C9orf85: variants seen among roughly 807,000 people sequenced by gnomAD.
The protein encoded by C9orf85 is chromosome 9 open reading frame 85, also known as uncharacterized protein C9orf85.
In C9orf85, 16 loss-of-function variants were observed where a neutral mutation model predicts 14.9. That is an observed-to-expected ratio of 1.08 (90% CI 0.73 to 1.63). The LOEUF is 1.63. Among genes scored for constraint, C9orf85 ranks in the 40% most tolerant of loss-of-function variants. The probability of loss-of-function intolerance (pLI) is 0.00; values close to 1 mark genes in which losing one functional copy is unlikely to be tolerated. For missense variants in C9orf85, 172 were observed against 186.1 expected (o/e 0.92, Z 0.44); for synonymous variants, 45 against 56.8 (o/e 0.79, Z 0.93).
chr9:71,919,721 A>G (rs1329458606), intron 1 of C9orf85, among the ~76,000 whole-genome samples: 2 of 152,140 alleles, frequency 1.3e-5, no homozygotes, highest in Non-Finnish European at 2.9e-5. Flanking sequence ...TGTAATCCGT[A>G]CTATTGTTTA....
At chr9:71,951,087 A>G (rs1564093400) in intron 2 of C9orf85, among the ~76,000 whole-genome samples, 1 of 152,190 alleles carries the variant, frequency 6.6e-6, no homozygotes, top group Non-Finnish European at 1.5e-5. Context: ...AGCTGACAGA[A>G]TATTGCATGT....
At chr9:71,931,501 A>C (rs904136056) in intron 1 of C9orf85, among the ~76,000 whole-genome samples, 2 of 152,216 alleles carry the variant, frequency 1.3e-5, no homozygotes, top group South Asian at 4.1e-4. Context: ...ATTAAAAATC[A>C]GTCTAAGATT....
At chr9:71,962,084 T>C (rs550169122) in intron 2 of C9orf85, among the ~76,000 whole-genome samples, 120 of 152,278 alleles carry the variant, frequency 7.9e-4, no homozygotes, top group African/African-American at 2.7e-3. Flanking sequence ...AAGGATTGTT[T>C]AAGCCTGGGA....
At chr9:71,965,120 T>C (rs1822654674) in intron 2 of C9orf85, among the ~76,000 whole-genome samples, 1 of 152,120 alleles carries the variant, frequency 6.6e-6, no homozygotes, top group Non-Finnish European at 1.5e-5. Context: ...AGTTGTAAGA[T>C]TTAATAGAGT....
At chr9:71,949,344 A>T (rs987660452) in intron 2 of C9orf85, among the ~76,000 whole-genome samples, 2 of 152,230 alleles carry the variant, frequency 1.3e-5, no homozygotes, top group African/African-American at 4.8e-5. Context: ...CTATATGTTT[A>T]TCTTCATTTT....
intron 1 of C9orf85, 25 bp downstream of exon 1, chr9:71,911,861 C>G: frequency 2.5e-6 from 4 of 1,599,082 alleles, no homozygotes; most frequent in Non-Finnish European, 3.4e-6. Context: ...GTTGCACCGT[C>G]TTTGACTCCA....
At chr9:71,956,584 G>A (rs941238948) in intron 2 of C9orf85, among the ~76,000 whole-genome samples, 11 of 152,006 alleles carry the variant, frequency 7.2e-5, no homozygotes, top group South Asian at 2.1e-4. Context: ...CAGTTTTAGC[G>A]TCCCAAATTC....
At chr9:71,918,172 G>GA (rs893887559) in intron 1 of C9orf85, among the ~76,000 whole-genome samples, 8 of 151,472 alleles carry the variant, frequency 5.3e-5, no homozygotes, top group South Asian at 2.1e-4. Context: ...CACAGGGAGG[G>GA]AAAAAAAATA....
intron 2 of C9orf85, among the ~76,000 whole-genome samples, chr9:71,963,565 C>T (rs370492360): frequency 1.3e-5 from 2 of 152,206 alleles, no homozygotes; most frequent in African/African-American, 2.4e-5. Context: ...GGAACCCGGG[C>T]TGCGCGAGGC....
downstream of C9orf85, among the ~76,000 whole-genome samples, chr9:71,975,520 A>T (rs1231122865): frequency 6.6e-6 from 1 of 151,796 alleles, no homozygotes; most frequent in African/African-American, 2.4e-5. Flanking sequence ...TATTCTAAAC[A>T]TATAGCCTGA....
chr9:71,938,193 G>GT (rs1299399858), intron 1 of C9orf85, among the ~76,000 whole-genome samples: 1 of 152,050 alleles, frequency 6.6e-6, no homozygotes, highest in Non-Finnish European at 1.5e-5. Context: ...TTTTCATATA[G>GT]TAGGGGTGTT....
At chr9:71,926,971 C>A (rs1213911426) in intron 1 of C9orf85, among the ~76,000 whole-genome samples, 1 of 151,706 alleles carries the variant, frequency 6.6e-6, no homozygotes, top group Non-Finnish European at 1.5e-5. Flanking sequence ...TAGAAGGGTT[C>A]TATCAAGTGC....
chr9:71,944,561 G>A (rs1822032433), intron 1 of C9orf85, among the ~76,000 whole-genome samples: 1 of 151,924 alleles, frequency 6.6e-6, no homozygotes, highest in South Asian at 2.1e-4. Flanking sequence ...TACCATGAGG[G>A]ATACACTAAA....
At chr9:71,980,822 A>G (rs908507644) in intron 3 of C9orf85, among the ~76,000 whole-genome samples, 8 of 152,214 alleles carry the variant, frequency 5.3e-5, no homozygotes, top group African/African-American at 1.9e-4. Context: ...CTGCCAGCTG[A>G]CACAAGGCAG....
intron 3 of C9orf85, among the ~76,000 whole-genome samples, chr9:71,978,798 G>A (rs1433343634): frequency 2.0e-5 from 3 of 152,192 alleles, no homozygotes; most frequent in African/African-American, 7.2e-5. Flanking sequence ...CACTTTGGGA[G>A]GCCAAGGTGG....
At chr9:71,975,133 T>C (rs1186288471), downstream of C9orf85, among the ~76,000 whole-genome samples, 3 of 152,130 alleles carry the variant, frequency 2.0e-5, no homozygotes, top group African/African-American at 7.2e-5. Context: ...TCAACAAAAA[T>C]ATAAAATCTT....
chr9:71,950,059 TGCCTG>T (rs1822206150), intron 2 of C9orf85, among the ~76,000 whole-genome samples: 1 of 152,180 alleles, frequency 6.6e-6, no homozygotes, highest in Admixed American at 6.5e-5. Flanking sequence ...GGAGGTTACT[TGCCTG>T]GCCTAGAACA....
chr9:71,958,419 C>T lies in C9orf85; in HGVS notation c.209+11307C>T, dbSNP rs183067799. 5.6e-4 allele frequency among the ~76,000 whole-genome samples: 85 copies of T among 151,564 alleles called. 1 individual carries two copies. Among genetic ancestry groups the T allele is most frequent in the African/African-American group, 1.8e-3 (76 of 41,344 alleles). ...CTGGGAATGCAGGCATGCGCCACCA[C>T]GACCAGCTAATTTTGTATTTTTAGT... On this transcript the variant is annotated intron_variant, in intron 2 of 3. Transcript: ENST00000334731.
intron 1 of C9orf85, among the ~76,000 whole-genome samples, chr9:71,945,068 A>C (rs542802092): frequency 6.6e-6 from 1 of 152,318 alleles, no homozygotes; most frequent in Non-Finnish European, 1.5e-5. Flanking sequence ...TAACAAGCAG[A>C]ATGTGTTATA....
Sources: gnomAD v4.1 joint callset for allele counts (sites outside exome capture counted in the v4.1 genomes callset) on GRCh38, gnomAD v4.1.1 for gene constraint, MANE v1.5 for transcripts, NCBI Gene and HGNC (gene_info 2026-07-23, HGNC 2026-07-21) for gene names.